Variants in GLDN observed in about 807,000 individuals in gnomAD.
GLDN encodes the protein collomin.
GLDN carries 47 observed loss-of-function variants against 56.5 expected under a neutral mutation model. The observed-to-expected ratio is 0.83, with a 90% CI of 0.66 to 1.06. The LOEUF is 1.06. Among genes scored for constraint, GLDN ranks in the 50% least tolerant of loss-of-function variants. The pLI is 0.00. For synonymous variants in GLDN, 332 were observed against 278.8 expected (o/e 1.19, Z -1.90); for missense variants, 782 against 714.3 (o/e 1.09, Z -1.08).
intron 2 of GLDN, among the ~76,000 whole-genome samples, chr15:51,378,073 C>A (rs1056354007): frequency 9.9e-5 from 15 of 152,192 alleles, no homozygotes; most frequent in African/African-American, 3.4e-4. Flanking sequence ...GGAAGCCTAG[C>A]CTTTTTCCCC....
At chr15:51,345,930 C>A (rs2036970277) in intron 1 of GLDN, among the ~76,000 whole-genome samples, 1 of 152,062 alleles carries the variant, frequency 6.6e-6, no homozygotes, top group Non-Finnish European at 1.5e-5. Flanking sequence ...CTTCTTATAC[C>A]CAAACAATCA....
intron 2 of GLDN, among the ~76,000 whole-genome samples, chr15:51,382,155 C>T (rs773056244): frequency 4.6e-5 from 7 of 152,164 alleles, no homozygotes; most frequent in Non-Finnish European, 7.3e-5. Flanking sequence ...CCATCTTAAG[C>T]CCCGTTTCTT....
intron 4 of GLDN, among the ~76,000 whole-genome samples, chr15:51,387,663 C>A (rs769807052): frequency 2.0e-5 from 3 of 152,112 alleles, no homozygotes; most frequent in Non-Finnish European, 4.4e-5. Context: ...AAGGATCATT[C>A]GTGGTTTGCC....
At chr15:51,366,463 A>C (rs16964302) in intron 1 of GLDN, among the ~76,000 whole-genome samples, 17,747 of 152,272 alleles carry the variant, frequency 0.12, 1,963 homozygotes, top group African/African-American at 0.29. Flanking sequence ...GGTGGTTATA[A>C]TGACCAATGA....
At chr15:51,375,533 G>GT (rs774423345) in intron 1 of GLDN, among the ~76,000 whole-genome samples, 3 of 152,232 alleles carry the variant, frequency 2.0e-5, no homozygotes, top group Non-Finnish European at 4.4e-5. Context: ...AGTCAGATTT[G>GT]TTTTTTCTGA....
At chr15:51,360,362 A>C (rs534033056) in intron 1 of GLDN, 4 of 152,408 alleles carry the variant, frequency 2.6e-5, no homozygotes, top group Non-Finnish European at 4.4e-5. Context: ...CTGCCCAAAC[A>C]ATAAGCTGCC....
chr15:51,366,064 G>T (rs1156258156), intron 1 of GLDN, among the ~76,000 whole-genome samples: 1 of 152,240 alleles, frequency 6.6e-6, no homozygotes, highest in Non-Finnish European at 1.5e-5. Context: ...TGGATTTACA[G>T]ATGCTTCTTT....
chr15:51,404,566 A>G lies in GLDN; in HGVS notation c.1468A>G (p.Met490Val). Residue 490 changes from methionine (M) to valine (V), a missense_variant, in exon 10 of 10, where the codon ATG becomes GTG. Transcript: ENST00000335449. ...GILYVTDTKD[M>V]RVTFAFDLLG... ...CCTCTATGTCACAGACACCAAAGATATGAGGGTCACATTTGCCTTTGATTT... is the reference window on the plus strand; with the variant it reads ...CCTCTATGTCACAGACACCAAAGATGTGAGGGTCACATTTGCCTTTGATTT... 1 of 1,614,180 alleles carries G rather than the reference A, an allele frequency of 6.2e-7. No homozygotes were observed. The highest frequency in any genetic ancestry group is 8.5e-7 in the Non-Finnish European group (1 of 1,180,034).
At chr15:51,410,923 G>A (rs1364560632), downstream of GLDN, among the ~76,000 whole-genome samples, 1 of 152,122 alleles carries the variant, frequency 6.6e-6, no homozygotes, top group African/African-American at 2.4e-5. Context: ...TTCCTTCATT[G>A]AGGACCCCAG....
At chr15:51,344,495 A>G (rs1010158911) in intron 1 of GLDN, among the ~76,000 whole-genome samples, 3 of 152,190 alleles carry the variant, frequency 2.0e-5, no homozygotes, top group Non-Finnish European at 4.4e-5. Flanking sequence ...TTTATAAAAA[A>G]CATCATTTGG....
chr15:51,381,832 T>C (rs913339612), intron 2 of GLDN, among the ~76,000 whole-genome samples: 20 of 151,904 alleles, frequency 1.3e-4, no homozygotes, highest in Non-Finnish European at 2.6e-4. Context: ...TCACTGTCTC[T>C]CTCGTCTTGT....
rs1463495886 is a variant in GLDN, at chr15:51,405,376, GGTT to G, written c.*623_*625del. 7.3e-6 allele frequency: 1 copy of G among 136,172 alleles called. No individual in the cohort carries two copies. Among genetic ancestry groups the G allele is most frequent in the Non-Finnish European group, 1.6e-5 (1 of 64,294 alleles). 8.4% of individuals were successfully genotyped at this position (136,172 alleles called of 1,614,324 possible). A position where few individuals can be genotyped will look rare whatever the true frequency, so the allele number is the denominator to read the frequency against. On this transcript the variant is annotated 3_prime_UTR_variant, in exon 10 of 10. Coordinates refer to ENST00000335449, the MANE Select transcript of GLDN (RefSeq NM_181789.4). ...AAAGCCAGGGACAGCTACATGTTCA[GGTT>G]TTTTTTTTTTTTTTTTTTTCAATAA...
At chr15:51,348,582 C>T (rs1012571572) in intron 1 of GLDN, among the ~76,000 whole-genome samples, 1 of 152,096 alleles carries the variant, frequency 6.6e-6, no homozygotes, top group East Asian at 1.9e-4. Context: ...AATCCTCCTG[C>T]TTCAGCCTCC....
chr15:51,357,302 C>G (rs988183035), intron 1 of GLDN, among the ~76,000 whole-genome samples: 3 of 152,194 alleles, frequency 2.0e-5, no homozygotes, highest in African/African-American at 4.8e-5. Context: ...TTCCTTGAAG[C>G]CTGTGAGACC....
downstream of GLDN, among the ~76,000 whole-genome samples, chr15:51,411,069 G>A (rs1214709124): frequency 1.3e-5 from 2 of 152,240 alleles, no homozygotes; most frequent in Admixed American, 6.5e-5. Context: ...TCAGATGTTT[G>A]AGATTTGGGC....
downstream of GLDN, among the ~76,000 whole-genome samples, chr15:51,409,484 G>A (rs1023147363): frequency 2.6e-5 from 4 of 152,002 alleles, no homozygotes; most frequent in Admixed American, 6.5e-5. Context: ...TTGTCTTTCA[G>A]TCCCGCTACT....
intron 2 of GLDN, among the ~76,000 whole-genome samples, chr15:51,380,546 G>T (rs1399565790): frequency 2.6e-5 from 4 of 152,200 alleles, no homozygotes; most frequent in Non-Finnish European, 4.4e-5. Flanking sequence ...GAGGACGGAG[G>T]ACATCCCGCC....
At chr15:51,389,698 T>A (rs1244875253) in intron 4 of GLDN, among the ~76,000 whole-genome samples, 3 of 152,170 alleles carry the variant, frequency 2.0e-5, no homozygotes, top group Non-Finnish European at 4.4e-5. Flanking sequence ...AGGAGGGCTT[T>A]CATTTCTGTT....
At chr15:51,351,461 C>A (rs1180709397) in intron 1 of GLDN, among the ~76,000 whole-genome samples, 2 of 152,170 alleles carry the variant, frequency 1.3e-5, no homozygotes, top group Non-Finnish European at 2.9e-5. Flanking sequence ...CAGCAGTACC[C>A]TGTGATCAGC....
Sources: allele counts gnomAD v4.1 joint callset (sites outside exome capture counted in the v4.1 genomes callset), GRCh38; gene constraint gnomAD v4.1.1; transcripts MANE v1.5; gene names NCBI Gene and HGNC (gene_info 2026-07-23, HGNC 2026-07-21).